IMMP2L: variants seen among roughly 807,000 people sequenced by gnomAD.
IMMP2L encodes inner mitochondrial membrane peptidase subunit 2.
In IMMP2L, 18 loss-of-function variants were observed where a neutral mutation model predicts 19.3. The observed-to-expected ratio is 0.93, with a 90% CI of 0.64 to 1.38. IMMP2L has a LOEUF of 1.38. IMMP2L is among the 40% of genes most tolerant of loss of function. The pLI, the probability that IMMP2L is intolerant of heterozygous loss-of-function variation, is 0.00. For synonymous variants in IMMP2L, 76 were observed against 73.0 expected (o/e 1.04, Z -0.21); for missense variants, 233 against 218.2 (o/e 1.07, Z -0.43).
intron 3 of IMMP2L, among the ~76,000 whole-genome samples, chr7:111,478,543 C>T (rs1326764307): frequency 6.7e-6 from 1 of 150,218 alleles, no homozygotes; most frequent in African/African-American, 2.5e-5. Context: ...TACAGGCATG[C>T]AACACCATGC....
At chr7:110,892,597 A>C (rs1276636999) in intron 4 of IMMP2L, among the ~76,000 whole-genome samples, 2 of 152,130 alleles carry the variant, frequency 1.3e-5, no homozygotes, top group Non-Finnish European at 2.9e-5. Context: ...AGGTTCTGGA[A>C]TCAGTGCAAA....
intron 3 of IMMP2L, among the ~76,000 whole-genome samples, chr7:110,973,559 C>T (rs758952): frequency 0.47 from 71,476 of 151,876 alleles, 18,129 homozygotes; most frequent in Non-Finnish European, 0.58. Context: ...CGAAGATTTA[C>T]CTTTTTCTAT....
chr7:110,845,633 T>C (rs1479645559), intron 5 of IMMP2L, among the ~76,000 whole-genome samples: 1 of 152,178 alleles, frequency 6.6e-6, no homozygotes, highest in Non-Finnish European at 1.5e-5. Context: ...GTACTCTTTA[T>C]TATAATTTTC....
intron 3 of IMMP2L, among the ~76,000 whole-genome samples, chr7:111,393,588 G>A (rs1046990613): frequency 1.1e-4 from 17 of 152,188 alleles, no homozygotes; most frequent in South Asian, 2.1e-4. Context: ...GACATTTTAC[G>A]TAGGAGGGAA....
At chr7:110,764,396 GA>G (rs1208549270) in intron 5 of IMMP2L, among the ~76,000 whole-genome samples, 3 of 152,014 alleles carry the variant, frequency 2.0e-5, no homozygotes, top group Non-Finnish European at 4.4e-5. Flanking sequence ...AGCAATATAT[GA>G]GTCCCCCCAC....
At position 110,816,051 on chromosome 7, in the gene IMMP2L, T is replaced by A. The variant is rs1456874493; in HGVS notation, c.408+70542A>T. Among the ~76,000 whole-genome samples, 3 of 152,140 alleles carry A rather than the reference T, an allele frequency of 2.0e-5. No homozygotes were observed. In the East Asian group the frequency reaches 5.8e-4, roughly 29 times the overall value. On this transcript the variant is annotated intron_variant, in intron 5 of 5. Coordinates refer to ENST00000405709, the MANE Select transcript of IMMP2L (RefSeq NM_032549.4). Reference sequence around the variant, plus strand: ...CTTGCTTTTCCAGTTCTTTTAACTGTGATGTTAGGGTGTCAATTTTAGATC... The same window carrying A: ...CTTGCTTTTCCAGTTCTTTTAACTGAGATGTTAGGGTGTCAATTTTAGATC...
intron 3 of IMMP2L, among the ~76,000 whole-genome samples, chr7:111,191,003 C>A (rs1392813117): frequency 6.6e-6 from 1 of 151,886 alleles, no homozygotes; most frequent in Non-Finnish European, 1.5e-5. Context: ...TTTGAGCGGG[C>A]AAACGGAATA....
At chr7:110,859,350 A>C (rs908731024) in intron 5 of IMMP2L, among the ~76,000 whole-genome samples, 2 of 152,040 alleles carry the variant, frequency 1.3e-5, no homozygotes. Context: ...TAAATGAAAA[A>C]ATGTTAGGAA....
intron 3 of IMMP2L, among the ~76,000 whole-genome samples, chr7:111,143,815 A>C (rs2129599583): frequency 6.6e-6 from 1 of 152,292 alleles, no homozygotes; most frequent in African/African-American, 2.4e-5. Flanking sequence ...TTTAAATAAT[A>C]ACACTAGTAA....
intron 4 of IMMP2L, among the ~76,000 whole-genome samples, chr7:110,904,098 T>C (rs1812205977): frequency 6.6e-6 from 1 of 152,188 alleles, no homozygotes; most frequent in Non-Finnish European, 1.5e-5. Flanking sequence ...TATAGAGTTG[T>C]AGGAGTTCCT....
intron 3 of IMMP2L, among the ~76,000 whole-genome samples, chr7:111,203,110 G>T (rs987660049): frequency 2.6e-5 from 4 of 152,002 alleles, no homozygotes; most frequent in African/African-American, 4.8e-5. Flanking sequence ...AAAGAAGAAG[G>T]GTGATATTCA....
At chr7:111,444,165 T>C (rs1433905406) in intron 3 of IMMP2L, among the ~76,000 whole-genome samples, 1 of 152,176 alleles carries the variant, frequency 6.6e-6, no homozygotes, top group Non-Finnish European at 1.5e-5. Context: ...CATGTTTTTC[T>C]TCATTAATTA....
chr7:111,443,753 C>T (rs547325139), intron 3 of IMMP2L, among the ~76,000 whole-genome samples: 3 of 152,186 alleles, frequency 2.0e-5, no homozygotes, highest in Admixed American at 2.0e-4. Flanking sequence ...ATTCTTCTTC[C>T]TATTTTTAAA....
chr7:110,812,658 A>G lies in IMMP2L; in HGVS notation c.408+73935T>C, dbSNP rs141786937. Among the ~76,000 whole-genome samples, 5 of 152,148 alleles carry G rather than the reference A, an allele frequency of 3.3e-5. No homozygotes were observed. In the East Asian group the frequency reaches 9.7e-4, roughly 30 times the overall value. ...TTGGGAGTTTGGGACTGAAGTCTCA[A>G]TTGTCTCACAGAAGATGGAGGCTGG... On this transcript the variant is annotated intron_variant, in intron 5 of 5. Transcript: ENST00000405709.
chr7:110,963,050 G>A (rs571304342), intron 4 of IMMP2L: 183 of 1,519,448 alleles, frequency 1.2e-4, no homozygotes, highest in East Asian at 1.5e-4. Context: ...TCACTGATTC[G>A]GAAGTTTCTG....
intron 3 of IMMP2L, among the ~76,000 whole-genome samples, chr7:110,972,886 G>A (rs751517065): frequency 4.6e-5 from 7 of 152,102 alleles, no homozygotes; most frequent in Non-Finnish European, 1.0e-4. Flanking sequence ...AGGCACCTCA[G>A]AATGAGGGAA....
chr7:111,251,493 G>T (rs1302952060), intron 3 of IMMP2L, among the ~76,000 whole-genome samples: 1 of 152,094 alleles, frequency 6.6e-6, no homozygotes, highest in East Asian at 1.9e-4. Flanking sequence ...CAAAAACATG[G>T]CATCAGCCCA....
At chr7:110,736,701 T>C (rs2091307) in intron 5 of IMMP2L, among the ~76,000 whole-genome samples, 118,633 of 152,110 alleles carry the variant, frequency 0.78, 46,361 homozygotes, top group East Asian at 0.88. Flanking sequence ...TTCCTATTTC[T>C]CCCTTTTGAA....
chr7:110,890,574 T>C (rs1052329218), intron 4 of IMMP2L, among the ~76,000 whole-genome samples: 8 of 152,194 alleles, frequency 5.3e-5, no homozygotes, highest in African/African-American at 1.9e-4. Flanking sequence ...AGAGAAAGAA[T>C]TTTAAATAGC....
Sources: allele counts gnomAD v4.1 joint callset (sites outside exome capture counted in the v4.1 genomes callset), GRCh38; gene constraint gnomAD v4.1.1; transcripts MANE v1.5; gene names NCBI Gene and HGNC (gene_info 2026-07-23, HGNC 2026-07-21).